AFF3: variants seen among roughly 807,000 people sequenced by gnomAD.
AFF3 encodes ALF transcription elongation factor 3.
A neutral mutation model predicts 129.7 loss-of-function variants in AFF3; 32 were observed. That is an observed-to-expected ratio of 0.25 (90% confidence interval 0.19 to 0.33). AFF3 has a LOEUF of 0.33. AFF3 is among the 10% of genes least tolerant of loss of function. The pLI is 1.00. For missense variants in AFF3, 1,373 were observed against 1,592.0 expected (o/e 0.86, Z 2.34); for synonymous variants, 644 against 635.4 (o/e 1.01, Z -0.20).
intron 15 of AFF3, among the ~76,000 whole-genome samples, chr2:99,589,549 G>A (rs1016475150): frequency 1.3e-5 from 2 of 151,812 alleles, no homozygotes; most frequent in Non-Finnish European, 2.9e-5. Flanking sequence ...TTACAGGCAC[G>A]CGCCACCACG....
chr2:99,961,728 T>A (rs1025127026), intron 7 of AFF3, among the ~76,000 whole-genome samples: 1 of 152,152 alleles, frequency 6.6e-6, no homozygotes, highest in Non-Finnish European at 1.5e-5. Flanking sequence ...GGTAAACTAG[T>A]CAGAGACGCT....
intron 4 of AFF3, among the ~76,000 whole-genome samples, chr2:100,029,838 G>A (rs1402643521): frequency 6.6e-6 from 1 of 152,146 alleles, no homozygotes; most frequent in African/African-American, 2.4e-5. Flanking sequence ...ACCAAGGCAG[G>A]TAGACTGCTT....
intron 11 of AFF3, among the ~76,000 whole-genome samples, chr2:99,725,131 C>T (rs756228485): frequency 1.3e-5 from 2 of 151,976 alleles, no homozygotes; most frequent in Non-Finnish European, 2.9e-5. Context: ...CCACCATGCC[C>T]AGCTAATTTT....
At chr2:100,007,056 G>T (rs1415948502) in intron 6 of AFF3, 39 bp from the exon 7 acceptor site, 1 of 1,590,674 alleles carries the variant, frequency 6.3e-7, no homozygotes, top group African/African-American at 1.4e-5. Flanking sequence ...TAAGGATGAG[G>T]GGGGTCGACA....
chr2:99,954,222 A>G (rs1676421150), intron 7 of AFF3, among the ~76,000 whole-genome samples: 1 of 151,054 alleles, frequency 6.6e-6, no homozygotes, highest in African/African-American at 2.4e-5. Context: ...GCATGGTACA[A>G]AAAAAAAACC....
chr2:99,855,757 G>A (rs1594111), intron 7 of AFF3, among the ~76,000 whole-genome samples: 119,559 of 152,094 alleles, frequency 0.79, 47,778 homozygotes, highest in South Asian at 0.92. Flanking sequence ...AGCTGCCAAT[G>A]GTGACTTCTT....
At chr2:99,560,468 A>G (rs372905453) in intron 20 of AFF3, 32 bp from the exon 21 acceptor site, 4 of 1,589,566 alleles carry the variant, frequency 2.5e-6, no homozygotes, top group Middle Eastern at 3.4e-4. Context: ...GAATAGAATA[A>G]AAAACATAAA....
At position 99,593,645 on chromosome 2, in the gene AFF3, A is replaced by T; in HGVS notation, c.2016T>A (p.Ser672=). The part of the protein sequence containing the change: ...SKEFIETESS[S]SSSSSDSDLE... Reference sequence around the variant, plus strand: ...GGTCGGAGTCCGAGGAGGAGGATGAAGATGACGACTCTGTCTCAATGAACT... The same window carrying T: ...GGTCGGAGTCCGAGGAGGAGGATGATGATGACGACTCTGTCTCAATGAACT... Residue 672 remains serine, a synonymous_variant, in exon 15 of 25, where the codon TCT becomes TCA. Coordinates refer to ENST00000672756, the MANE Select transcript of AFF3 (RefSeq NM_001386135.1). The T allele has an allele frequency of 6.2e-7, 1 of 1,607,794 alleles. No individual in the cohort carries two copies. Among genetic ancestry groups the T allele is most frequent in the Non-Finnish European group, 8.5e-7 (1 of 1,176,042 alleles).
intron 4 of AFF3, among the ~76,000 whole-genome samples, chr2:100,090,397 A>G (rs1689754626): frequency 1.3e-5 from 2 of 152,346 alleles, no homozygotes; most frequent in Admixed American, 6.5e-5. Context: ...TAGAGGTTTT[A>G]TGGAGTATAC....
At position 99,554,191 on chromosome 2, in the gene AFF3, T is replaced by C. The variant is rs566038996; in HGVS notation, c.3559+120A>G. On this transcript the variant is annotated intron_variant, in intron 24 of 24. Transcript: ENST00000672756. Reference sequence around the variant, plus strand: ...ACATGAGAAAATGCCTGATATAATGTCAAATGAAGAAAGGATATACAACTG... The same window carrying C: ...ACATGAGAAAATGCCTGATATAATGCCAAATGAAGAAAGGATATACAACTG... 1.4e-3 allele frequency: 1,486 copies of C among 1,070,540 alleles called. 4 individuals carry two copies. Among genetic ancestry groups the C allele is most frequent in the Non-Finnish European group, 1.8e-3 (1,329 of 724,722 alleles). The allele number at this position is 1,070,540 out of a possible 1,614,324, so 66.3% of individuals were successfully genotyped here.
At chr2:99,872,000 G>A (rs934307691) in intron 7 of AFF3, among the ~76,000 whole-genome samples, 8 of 151,984 alleles carry the variant, frequency 5.3e-5, no homozygotes, top group Non-Finnish European at 8.8e-5. Context: ...GAGGTCAGGA[G>A]ATCAAGACCA....
intron 8 of AFF3, among the ~76,000 whole-genome samples, chr2:99,812,990 C>T (rs1027722341): frequency 6.6e-6 from 1 of 151,878 alleles, no homozygotes. Context: ...TCTCGCAGTG[C>T]AGGCATTTTA....
chr2:99,909,010 T>C (rs1453901676), intron 7 of AFF3, among the ~76,000 whole-genome samples: 3 of 152,116 alleles, frequency 2.0e-5, no homozygotes, highest in African/African-American at 7.2e-5. Context: ...GGATTATAAA[T>C]CATGCTGCTA....
intron 13 of AFF3, among the ~76,000 whole-genome samples, chr2:99,613,048 A>G (rs1681082462): frequency 6.6e-6 from 1 of 152,222 alleles, no homozygotes; most frequent in African/African-American, 2.4e-5. Flanking sequence ...TCTTTTCACC[A>G]ATAAAACACA....
chr2:100,075,676 A>T (rs867428063), intron 4 of AFF3, among the ~76,000 whole-genome samples: 1 of 152,202 alleles, frequency 6.6e-6, no homozygotes, highest in Non-Finnish European at 1.5e-5. Flanking sequence ...GGAAAATCTC[A>T]AATTCTGTAT....
intron 4 of AFF3, among the ~76,000 whole-genome samples, chr2:100,042,980 A>G (rs957291114): frequency 6.6e-6 from 1 of 152,204 alleles, no homozygotes; most frequent in African/African-American, 2.4e-5. Flanking sequence ...TGAAACTTAA[A>G]TAGTAGAAAA....
At chr2:99,682,259 C>T (rs73966506) in intron 11 of AFF3, among the ~76,000 whole-genome samples, 2 of 152,266 alleles carry the variant, frequency 1.3e-5, no homozygotes, top group South Asian at 4.1e-4. Context: ...CATCTCCAAT[C>T]CATAGGACAG....
intron 10 of AFF3, among the ~76,000 whole-genome samples, chr2:99,735,504 T>G (rs1413292946): frequency 6.6e-6 from 1 of 152,176 alleles, no homozygotes; most frequent in Admixed American, 6.5e-5. Flanking sequence ...ATTTCCTTAT[T>G]TATTTAGAGA....
chr2:99,888,591 A>G (rs1693298767), intron 7 of AFF3, among the ~76,000 whole-genome samples: 1 of 152,212 alleles, frequency 6.6e-6, no homozygotes. Context: ...CCATCTTACA[A>G]TGACTTTTAT....
Sources: gnomAD v4.1 joint callset for allele counts (sites outside exome capture counted in the v4.1 genomes callset) on GRCh38, gnomAD v4.1.1 for gene constraint, MANE v1.5 for transcripts, NCBI Gene and HGNC (gene_info 2026-07-23, HGNC 2026-07-21) for gene names.